The following GPR174 variants were observed in gnomAD, a reference collection of about 807,000 sequenced individuals.
GPR174 encodes the protein probable G protein-coupled receptor 174.
GPR174 carries 8 observed loss-of-function variants against 16.5 expected under a neutral mutation model. The ratio of observed to expected loss-of-function variants is 0.48; its 90% CI spans 0.28 to 0.87. GPR174 has a LOEUF of 0.87. GPR174 is among the 40% of genes least tolerant of loss of function. The pLI is 0.09. For synonymous variants in GPR174, 111 were observed against 94.8 expected (o/e 1.17, Z -0.99); for missense variants, 214 against 247.5 (o/e 0.86, Z 0.91).
chrX:79,165,934 A>T (rs776856735), intron 2 of GPR174, among the ~76,000 whole-genome samples: 1 of 111,592 alleles, frequency 9.0e-6, no homozygotes, highest in East Asian at 2.8e-4. Flanking sequence ...TTTCTTGTCC[A>T]AATGTTCATG....
chrX:79,163,089 G>A (rs752387296), intron 2 of GPR174, among the ~76,000 whole-genome samples: 1 of 111,386 alleles, frequency 9.0e-6, no homozygotes, highest in East Asian at 2.8e-4. Context: ...CAGGCTAGAA[G>A]GCAGAACAAG....
chrX:79,173,882 G>C lies in GPR174; in HGVS notation c.*1873G>C, dbSNP rs1361703986. ...GTCTCTTTGCTTTAAAGTGTCTTTT[G>C]TTTGACTATAATTTAGTGTTGCAAT... On this transcript the variant is annotated 3_prime_UTR_variant, in exon 3 of 3. Coordinates refer to ENST00000645147, the MANE Select transcript of GPR174 (RefSeq NM_032553.3). 4 of 111,702 alleles carry C rather than the reference G, an allele frequency of 3.6e-5. No individual in the cohort carries two copies. The highest frequency in any genetic ancestry group is 7.5e-5 in the Non-Finnish European group (4 of 53,063). 9.2% of individuals were successfully genotyped at this position (111,702 alleles called of 1,213,427 possible).
intron 1 of GPR174, among the ~76,000 whole-genome samples, chrX:79,151,352 A>C (rs1158116361): frequency 9.0e-6 from 1 of 111,246 alleles, no homozygotes; most frequent in South Asian, 3.7e-4. Flanking sequence ...TTTTTTCAAC[A>C]CCACTTTATT....
intron 2 of GPR174, among the ~76,000 whole-genome samples, chrX:79,159,994 A>G (rs1307987122): frequency 8.9e-6 from 1 of 111,784 alleles, no homozygotes; most frequent in Non-Finnish European, 1.9e-5. Context: ...TTAAGTAAAG[A>G]GCACAACTTA....
chrX:79,173,527 A>G lies in GPR174; in HGVS notation c.*1518A>G, dbSNP rs1459644123. On this transcript the variant is annotated 3_prime_UTR_variant, in exon 3 of 3. Coordinates refer to ENST00000645147, the MANE Select transcript of GPR174 (RefSeq NM_032553.3). ...TCTCACAGAAGGAATGTAGAACCCA[A>G]TCAAAGGCTTTATCATATTTAGAGG... 8.9e-6 allele frequency: 1 copy of G among 112,262 alleles called. No homozygotes were observed. The highest frequency in any genetic ancestry group is 3.2e-5 in the African/African-American group (1 of 30,925). 9.3% of individuals were successfully genotyped at this position (112,262 alleles called of 1,213,427 possible).
At chrX:79,146,641 G>T (rs1381390297) in intron 1 of GPR174, among the ~76,000 whole-genome samples, 1 of 112,128 alleles carries the variant, frequency 8.9e-6, no homozygotes, top group African/African-American at 3.2e-5. Flanking sequence ...ATATTTGTGT[G>T]AGACAGGAAC....
intron 1 of GPR174, among the ~76,000 whole-genome samples, chrX:79,150,620 G>T (rs757811444): frequency 3.6e-5 from 4 of 111,379 alleles, no homozygotes; most frequent in African/African-American, 1.3e-4. Context: ...AATTGATTTG[G>T]TTTCATATCT....
intron 2 of GPR174, among the ~76,000 whole-genome samples, chrX:79,169,653 G>A: frequency 9.0e-6 from 1 of 111,500 alleles, no homozygotes; most frequent in Middle Eastern, 4.6e-3. Flanking sequence ...TTTAAAGTTA[G>A]TTAAGTCCTC....
chrX:79,160,331 C>A (rs918682721), intron 2 of GPR174, among the ~76,000 whole-genome samples: 1 of 111,555 alleles, frequency 9.0e-6, no homozygotes, highest in Non-Finnish European at 1.9e-5. Flanking sequence ...GATGCATGTT[C>A]TGAGTGTAAT....
chrX:79,155,259 T>C (rs1351763111), intron 1 of GPR174, among the ~76,000 whole-genome samples: 1 of 111,603 alleles, frequency 9.0e-6, no homozygotes, highest in African/African-American at 3.3e-5. Flanking sequence ...CTTTGTCACT[T>C]TGTAACTTAC....
chrX:79,166,185 C>T (rs1921356264), intron 2 of GPR174, among the ~76,000 whole-genome samples: 1 of 111,796 alleles, frequency 8.9e-6, no homozygotes, highest in African/African-American at 3.3e-5. Flanking sequence ...AAACAGAAGA[C>T]ACTGATAGCC....
In GPR174 at chrX:79,160,521, A is replaced by AGT; in HGVS notation, c.-557+3611_-557+3612dup. On this transcript the variant is annotated intron_variant, in intron 2 of 2. Transcript: ENST00000645147. ...CACTTATGAAATATAGAAAGTACTA[A>AGT]GTGTGTGTGGTGTGTAGGATGTGTT... 3.6e-5 allele frequency among the ~76,000 whole-genome samples: 4 copies of AGT among 111,707 alleles called. 1 individual carries two copies. Among genetic ancestry groups the AGT allele is most frequent in the Middle Eastern group, 4.6e-3 (1 of 217 alleles).
intron 1 of GPR174, among the ~76,000 whole-genome samples, chrX:79,151,725 G>A (rs1164472924): frequency 3.6e-5 from 4 of 111,643 alleles, no homozygotes; most frequent in East Asian, 5.6e-4. Context: ...ATTGAGAATT[G>A]TAAAAAGCAA....
intron 2 of GPR174, among the ~76,000 whole-genome samples, chrX:79,162,995 C>G (rs762461249): frequency 9.0e-6 from 1 of 111,729 alleles, no homozygotes. Flanking sequence ...TAAAGTCAGA[C>G]AGAGACATCG....
chrX:79,157,783 TAGA>T (rs1216346398), intron 2 of GPR174, among the ~76,000 whole-genome samples: 6 of 111,026 alleles, frequency 5.4e-5, no homozygotes, highest in Admixed American at 3.8e-4. Flanking sequence ...TGCCTGTTTT[TAGA>T]AGAAGTGTGT....
At chrX:79,152,878 G>A (rs1921012162) in intron 1 of GPR174, among the ~76,000 whole-genome samples, 1 of 111,906 alleles carries the variant, frequency 8.9e-6, no homozygotes, top group Admixed American at 9.5e-5. Context: ...GAGCTCCTCT[G>A]TACAATTTGC....
At position 79,144,980 on chromosome X, in the gene GPR174, TTCTTTCTTTCTTTCTCTCTCTCTC is replaced by T. The variant is rs1569277465; in HGVS notation, c.-875_-852del. ...TTTCTTTCTTTCTCTTTCTTTCTTT[TTCTTTCTTTCTTTCTCTCTCTCTC>T]TCTTTCTTTCTTTCTTTCTTTCTTT... On this transcript the variant is annotated 5_prime_UTR_variant, in exon 1 of 3. Transcript: ENST00000645147. 14 of 63,795 alleles carry T rather than the reference TTCTTTCTTTCTTTCTCTCTCTCTC, an allele frequency of 2.2e-4. No individual in the cohort carries two copies. Among genetic ancestry groups the T allele is most frequent in the Middle Eastern group, 6.8e-3 (1 of 147 alleles). The allele number at this position is 63,795 out of a possible 1,213,427, so 5.3% of individuals were successfully genotyped here.
At chrX:79,166,191 T>TAG (rs1246306016) in intron 2 of GPR174, among the ~76,000 whole-genome samples, 1 of 111,909 alleles carries the variant, frequency 8.9e-6, no homozygotes, top group African/African-American at 3.2e-5. Flanking sequence ...AAGACACTGA[T>TAG]AGCCAGCCAG....
At chrX:79,157,839 A>G (rs1267141200) in intron 2 of GPR174, among the ~76,000 whole-genome samples, 1 of 110,160 alleles carries the variant, frequency 9.1e-6, no homozygotes, top group Non-Finnish European at 1.9e-5. Flanking sequence ...GTAAAGGAAC[A>G]TGTCTAGTGC....
Sources: allele counts gnomAD v4.1 joint callset (sites outside exome capture counted in the v4.1 genomes callset), GRCh38; gene constraint gnomAD v4.1.1; transcripts MANE v1.5; gene names NCBI Gene and HGNC (gene_info 2026-07-23, HGNC 2026-07-21).